The following HYCC2 variants were observed in gnomAD, a reference collection of about 807,000 sequenced individuals.
The protein encoded by HYCC2 is hyccin 2.
chr2:201,005,548 TG>T, the HYCC2 span, among the ~76,000 whole-genome samples: 1 of 152,232 alleles, frequency 6.6e-6, no homozygotes, highest in Admixed American at 6.5e-5. Context: ...AAAGGCCTGA[TG>T]GGCTAGGCTA....
At chr2:201,009,759 C>T in the HYCC2 span, among the ~76,000 whole-genome samples, 1 of 151,814 alleles carries the variant, frequency 6.6e-6, no homozygotes, top group Non-Finnish European at 1.5e-5. Context: ...CATAACTGGC[C>T]CAAATGTCTC....
the HYCC2 span, among the ~76,000 whole-genome samples, chr2:201,068,777 T>C: frequency 2.0e-5 from 3 of 152,226 alleles, no homozygotes; most frequent in African/African-American, 7.2e-5. Flanking sequence ...GGAACAGATG[T>C]AAGCTACTTT....
the HYCC2 span, among the ~76,000 whole-genome samples, chr2:201,062,933 G>C: frequency 1.3e-5 from 2 of 150,998 alleles, no homozygotes; most frequent in African/African-American, 2.4e-5. Context: ...TGAGAGGTTA[G>C]AGGCCTGAAC....
chr2:201,063,879 G>A, the HYCC2 span: 1 of 1,594,812 alleles, frequency 6.3e-7, no homozygotes, highest in Non-Finnish European at 8.5e-7. Context: ...AATGATTTTG[G>A]CAATTACAAA....
At chr2:201,019,652 G>C in the HYCC2 span, among the ~76,000 whole-genome samples, 1 of 151,938 alleles carries the variant, frequency 6.6e-6, no homozygotes, top group Non-Finnish European at 1.5e-5. Flanking sequence ...CTATTTTTGG[G>C]GGGCTGAGGC....
chr2:201,052,382 ACTG>A, the HYCC2 span: 1 of 152,480 alleles, frequency 6.6e-6, no homozygotes, highest in South Asian at 2.0e-4. Context: ...AGGCAGGAGG[ACTG>A]CTTGAGCCCA....
chr2:201,015,382 T>TTTC, the HYCC2 span, among the ~76,000 whole-genome samples: 8,019 of 152,142 alleles, frequency 0.053, 487 homozygotes, highest in African/African-American at 0.15. Context: ...GTGTTTATGG[T>TTTC]TTTTCTCCCC....
At chr2:201,035,698 T>C in the HYCC2 span, among the ~76,000 whole-genome samples, 7 of 152,132 alleles carry the variant, frequency 4.6e-5, no homozygotes, top group Non-Finnish European at 1.0e-4. Context: ...GAATTTTCAG[T>C]TTTTCTGCTC....
the HYCC2 span, among the ~76,000 whole-genome samples, chr2:201,001,961 T>C: frequency 1.3e-5 from 2 of 152,138 alleles, no homozygotes; most frequent in Non-Finnish European, 2.9e-5. Context: ...CATGAGCCAC[T>C]GTGCCTGGCT....
At chr2:201,022,841 G>A in the HYCC2 span, 1 of 1,600,030 alleles carries the variant, frequency 6.2e-7, no homozygotes, top group Non-Finnish European at 8.6e-7. Context: ...CTCATTATTT[G>A]AATCTTGAAT....
At chr2:200,990,771 C>T in the HYCC2 span, among the ~76,000 whole-genome samples, 1 of 152,144 alleles carries the variant, frequency 6.6e-6, no homozygotes, top group Non-Finnish European at 1.5e-5. Flanking sequence ...TGGGGTTTCA[C>T]CATCTTGGAC....
At chr2:201,003,372 G>C in the HYCC2 span, among the ~76,000 whole-genome samples, 5 of 152,210 alleles carry the variant, frequency 3.3e-5, no homozygotes, top group African/African-American at 9.6e-5. Context: ...TTAAAAAGCT[G>C]GGCTGGGAAG....
chr2:200,997,240 G>C, the HYCC2 span: 1 of 438,130 alleles, frequency 2.3e-6, no homozygotes, highest in Non-Finnish European at 4.2e-6. Flanking sequence ...AGGCGACAGA[G>C]AGAAATCCTA....
the HYCC2 span, among the ~76,000 whole-genome samples, chr2:201,023,316 T>A: frequency 6.6e-6 from 1 of 151,580 alleles, no homozygotes. Context: ...GCCACTGCAC[T>A]CCAGCCTGGG....
chr2:201,050,213 CAAA>C, the HYCC2 span, among the ~76,000 whole-genome samples: 1 of 123,118 alleles, frequency 8.1e-6, no homozygotes. Context: ...CACCCTGTCT[CAAA>C]AAAAAAAAAA....
At chr2:201,054,605 T>G in the HYCC2 span, among the ~76,000 whole-genome samples, 1 of 152,172 alleles carries the variant, frequency 6.6e-6, no homozygotes, top group African/African-American at 2.4e-5. Flanking sequence ...TTCTGGGTGC[T>G]AAAGCTTGGG....
At chr2:200,981,709 T>C in the HYCC2 span, 1 of 1,614,196 alleles carries the variant, frequency 6.2e-7, no homozygotes, top group Non-Finnish European at 8.5e-7. This position sits in a 1 kb window ranked among gnomAD's most constrained non-coding sequence, Gnocchi z 4.5. Context: ...TTCTTTATCC[T>C]TGGCTGAACG....
the HYCC2 span, chr2:200,976,174 A>G: frequency 2.6e-5 from 4 of 152,188 alleles, no homozygotes; most frequent in Non-Finnish European, 5.9e-5. Flanking sequence ...AACGATGACA[A>G]TAATCTTCAA....
the HYCC2 span, among the ~76,000 whole-genome samples, chr2:201,006,488 C>T: frequency 6.6e-6 from 1 of 151,802 alleles, no homozygotes; most frequent in Admixed American, 6.6e-5. Flanking sequence ...AATACATTAG[C>T]ACCTTGGAAG....
Sources: allele counts gnomAD v4.1 joint callset (sites outside exome capture counted in the v4.1 genomes callset), GRCh38; gene constraint gnomAD v4.1.1; non-coding constraint Gnocchi (gnomAD v3.1); transcripts MANE v1.5; gene names NCBI Gene and HGNC (gene_info 2026-07-23, HGNC 2026-07-21).